The following CCNY variants were observed in gnomAD, a reference collection of about 807,000 sequenced individuals.
CCNY encodes the protein cyclin-Y.
A neutral mutation model predicts 42.8 loss-of-function variants in CCNY; 19 were observed. That is an observed-to-expected ratio of 0.44 (90% CI 0.31 to 0.65). The LOEUF is 0.65. CCNY is among the 30% of genes least tolerant of loss of function. The probability of loss-of-function intolerance (pLI) is 0.07; values close to 1 mark genes in which losing one functional copy is unlikely to be tolerated. For synonymous variants in CCNY, 165 were observed against 162.7 expected (o/e 1.01, Z -0.11); for missense variants, 370 against 437.3 (o/e 0.85, Z 1.37).
Position 35,352,299 on chromosome 10 carries a change from G to C in CCNY, c.154+15092G>C, listed in dbSNP as rs908378146. 1.3e-5 allele frequency among the ~76,000 whole-genome samples: 2 copies of C among 152,120 alleles called. 1 individual carries two copies. Among genetic ancestry groups the C allele is most frequent in the South Asian group, 4.1e-4 (2 of 4,830 alleles). ...GTTAGTGGAGTTCCTTTCCTTTCTC[G>C]TTAAGCTAACATTTGTAGCAAGTGG... On this transcript the variant is annotated intron_variant, in intron 1 of 9. Transcript: ENST00000374704.
intron 1 of CCNY, among the ~76,000 whole-genome samples, chr10:35,342,872 T>G (rs1836213582): frequency 6.6e-6 from 1 of 152,098 alleles, no homozygotes; most frequent in Non-Finnish European, 1.5e-5. Flanking sequence ...TAGAGAATGA[T>G]CCGTGTCTAG....
chr10:35,466,218 G>C (rs936294736), intron 1 of CCNY, among the ~76,000 whole-genome samples: 1 of 152,092 alleles, frequency 6.6e-6, no homozygotes, highest in African/African-American at 2.4e-5. Flanking sequence ...GTGGGAGAGA[G>C]GCACGGAAGT....
intron 1 of CCNY, chr10:35,347,413 A>G: frequency 1.0e-6 from 1 of 982,556 alleles, no homozygotes; most frequent in Non-Finnish European, 1.2e-6. Context: ...GCCTCTGATT[A>G]TAGACCTTCT....
chr10:35,384,371 G>T (rs1462337788), intron 1 of CCNY, among the ~76,000 whole-genome samples: 7 of 152,130 alleles, frequency 4.6e-5, no homozygotes, highest in Non-Finnish European at 8.8e-5. Flanking sequence ...GCAGGTAGGG[G>T]AATAGTCAGT....
At chr10:35,332,348 CA>C (rs1399480862), upstream of CCNY, 1 of 152,166 alleles carries the variant, frequency 6.6e-6, no homozygotes, top group Non-Finnish European at 1.5e-5. Flanking sequence ...GAAGGTGACT[CA>C]GGGAGTTGTG....
intron 8 of CCNY, among the ~76,000 whole-genome samples, chr10:35,553,974 T>G (rs1055977374): frequency 1.2e-4 from 18 of 152,186 alleles, no homozygotes; most frequent in Non-Finnish European, 4.4e-5. Flanking sequence ...GACTTACAGT[T>G]CCTTATGATT....
intron 3 of CCNY, among the ~76,000 whole-genome samples, chr10:35,254,729 G>A (rs980517649): frequency 2.0e-5 from 3 of 150,750 alleles, no homozygotes; most frequent in African/African-American, 7.3e-5. Context: ...TCGGGAGGTT[G>A]ATGTGGGAGG....
intron 3 of CCNY, among the ~76,000 whole-genome samples, chr10:35,272,928 CTTT>C (rs879779131): frequency 7.0e-6 from 1 of 143,030 alleles, no homozygotes; most frequent in African/African-American, 2.5e-5. Flanking sequence ...TTGCTAGCAC[CTTT>C]TTTTTTTTTG....
At chr10:35,475,343 C>A (rs915737833) in intron 1 of CCNY, among the ~76,000 whole-genome samples, 10 of 152,106 alleles carry the variant, frequency 6.6e-5, no homozygotes, top group Admixed American at 3.3e-4. Flanking sequence ...TTTTCAAATT[C>A]ACCGAAGTTG....
chr10:35,324,922 C>A (rs532729135), intron 3 of CCNY, among the ~76,000 whole-genome samples: 1 of 152,248 alleles, frequency 6.6e-6, no homozygotes, highest in East Asian at 1.9e-4. Context: ...ATATAGGCAG[C>A]CTTCTGAAGG....
chr10:35,520,345 C>T lies in CCNY; in HGVS notation c.365+3722C>T, dbSNP rs193064306. On this transcript the variant is annotated intron_variant, in intron 4 of 9. Transcript: ENST00000374704. ...TTCTAAAATTTTGCCTACATCTTGC[C>T]CTACTCCTGTCCAAAGAAAACTCCT... Among the ~76,000 whole-genome samples, 11 of 152,210 alleles carry T rather than the reference C, an allele frequency of 7.2e-5. No homozygotes were observed. The East Asian group carries it at 2.1e-3, about 29-fold the overall frequency.
At chr10:35,409,747 C>A (rs961292465) in intron 1 of CCNY, among the ~76,000 whole-genome samples, 1 of 152,104 alleles carries the variant, frequency 6.6e-6, no homozygotes, top group African/African-American at 2.4e-5. Context: ...AAAAAGCAAT[C>A]TGTGATTGTT....
chr10:35,337,939 T>A (rs1836086461), intron 1 of CCNY, among the ~76,000 whole-genome samples: 1 of 152,238 alleles, frequency 6.6e-6, no homozygotes, highest in South Asian at 2.1e-4. Flanking sequence ...AAGCTAAGAC[T>A]AATTACTGCA....
At chr10:35,513,238 A>G (rs566899861) in intron 3 of CCNY, among the ~76,000 whole-genome samples, 103 of 152,266 alleles carry the variant, frequency 6.8e-4, no homozygotes, top group Admixed American at 2.6e-3. Flanking sequence ...CATTATTTCA[A>G]AGATATAAAT....
chr10:35,448,422 A>G (rs143535373), intron 1 of CCNY, among the ~76,000 whole-genome samples: 7 of 152,276 alleles, frequency 4.6e-5, no homozygotes, highest in African/African-American at 1.2e-4. Context: ...TAATTTCTCT[A>G]TGTCTCTTTC....
At chr10:35,481,001 G>A (rs976796826) in intron 1 of CCNY, among the ~76,000 whole-genome samples, 3 of 152,122 alleles carry the variant, frequency 2.0e-5, no homozygotes, top group Non-Finnish European at 4.4e-5. Flanking sequence ...AGTGTTTACA[G>A]TGCATAAAAC....
chr10:35,455,867 G>A (rs1033581925), intron 1 of CCNY, among the ~76,000 whole-genome samples: 7 of 136,736 alleles, frequency 5.1e-5, no homozygotes, highest in Admixed American at 8.2e-5. Context: ...TGCCCAAACT[G>A]GAGGGTAATG....
At position 35,451,435 on chromosome 10, in the gene CCNY, C is replaced by T. The variant is rs527833969; in HGVS notation, c.155-31969C>T. Among the ~76,000 whole-genome samples, 18 of 152,262 alleles carry T rather than the reference C, an allele frequency of 1.2e-4. No homozygotes were observed. The South Asian group carries it at 3.3e-3, about 28-fold the overall frequency. Reference sequence around the variant, plus strand: ...AGAATGGGTGGGTCATTTTCCATGTCGTCTTAAAATGACTGGAAAGTTGGT... The same window carrying T: ...AGAATGGGTGGGTCATTTTCCATGTTGTCTTAAAATGACTGGAAAGTTGGT... On this transcript the variant is annotated intron_variant, in intron 1 of 9. Transcript: ENST00000374704.
rs1273592792 is a variant in CCNY, at chr10:35,465,936, A to AGTGT, written c.155-17467_155-17466insTGTG. ...GAGAGAGAGAGAGAGAGAGAGAGAGAGAGTGTGTGTGTGTGTGTGTGTGTC... is the reference window on the plus strand; with the variant it reads ...GAGAGAGAGAGAGAGAGAGAGAGAGAGTGTGAGTGTGTGTGTGTGTGTGTGTGTC... On this transcript the variant is annotated intron_variant, in intron 1 of 9. Coordinates refer to ENST00000374704, the MANE Select transcript of CCNY (RefSeq NM_145012.6). 4.0e-3 allele frequency among the ~76,000 whole-genome samples: 472 copies of AGTGT among 117,638 alleles called. 7 individuals are homozygous for AGTGT. Among genetic ancestry groups the AGTGT allele is most frequent in the African/African-American group, 0.014 (424 of 30,062 alleles). 77.2% of individuals were successfully genotyped at this position (117,638 alleles called of 152,430 possible). A position where few individuals can be genotyped will look rare whatever the true frequency, so the allele number is the denominator to read the frequency against.
Sources: gnomAD v4.1 joint callset for allele counts (sites outside exome capture counted in the v4.1 genomes callset) on GRCh38, gnomAD v4.1.1 for gene constraint, MANE v1.5 for transcripts, NCBI Gene and HGNC (gene_info 2026-07-23, HGNC 2026-07-21) for gene names.